TSGA10: variants seen among roughly 807,000 people sequenced by gnomAD.
The protein encoded by TSGA10 is testis specific 10, also known as testis-specific gene 10 protein.
A neutral mutation model predicts 96.6 loss-of-function variants in TSGA10; 43 were observed. That is an observed-to-expected ratio of 0.44 (90% confidence interval 0.35 to 0.57). The LOEUF (loss-of-function observed/expected upper bound fraction) is 0.57, where lower values mean the gene tolerates loss of function less well. Ranked by LOEUF, TSGA10 falls within the 20% of genes least tolerant of loss-of-function variation. The pLI is 0.01. For missense variants in TSGA10, 703 were observed against 834.4 expected (o/e 0.84, Z 1.94); for synonymous variants, 229 against 269.9 (o/e 0.85, Z 1.48).
At chr2:99,059,366 G>A (rs2084388034) in intron 16 of TSGA10, among the ~76,000 whole-genome samples, 1 of 151,930 alleles carries the variant, frequency 6.6e-6, no homozygotes, top group Non-Finnish European at 1.5e-5. Flanking sequence ...CAGGCATGGT[G>A]GCTCATGCCT....
intron 12 of TSGA10, among the ~76,000 whole-genome samples, chr2:99,075,207 G>T (rs1378055878): frequency 6.6e-6 from 1 of 152,050 alleles, no homozygotes; most frequent in Non-Finnish European, 1.5e-5. Flanking sequence ...TATGTTCTAA[G>T]ATGTATTCCT....
At chr2:99,102,108 CAAG>C in intron 10 of TSGA10, 1 of 1,464,178 alleles carries the variant, frequency 6.8e-7, no homozygotes, top group Non-Finnish European at 9.6e-7. Context: ...AATAAAGCGA[CAAG>C]AAGAGTTAGA....
chr2:99,009,746 CAT>C (rs1012039267), intron 20 of TSGA10, among the ~76,000 whole-genome samples: 2 of 151,926 alleles, frequency 1.3e-5, no homozygotes, highest in African/African-American at 4.8e-5. Context: ...GAAGAAAGAA[CAT>C]ATATATAAGT....
chr2:99,052,695 G>A (rs961396070), intron 16 of TSGA10, among the ~76,000 whole-genome samples: 27 of 151,370 alleles, frequency 1.8e-4, no homozygotes, highest in African/African-American at 6.1e-4. Context: ...CCAAGATCGC[G>A]CCACTGCACT....
At chr2:99,025,716 A>T (rs9808541) in intron 17 of TSGA10, among the ~76,000 whole-genome samples, 53,303 of 151,950 alleles carry the variant, frequency 0.35, 10,689 homozygotes, top group African/African-American at 0.55. Context: ...TTTAATATAG[A>T]TAGGCATTTA....
intron 16 of TSGA10, among the ~76,000 whole-genome samples, chr2:99,038,745 T>C (rs992208778): frequency 5.3e-5 from 8 of 151,978 alleles, no homozygotes; most frequent in Admixed American, 2.6e-4. Flanking sequence ...ACAGAAAGTT[T>C]AAAAAGAAAC....
chr2:99,057,149 T>TAA (rs2084100251), intron 16 of TSGA10, among the ~76,000 whole-genome samples: 1 of 152,018 alleles, frequency 6.6e-6, no homozygotes, highest in Non-Finnish European at 1.5e-5. Context: ...GCTTTCCCCC[T>TAA]AAAATCAGGA....
chr2:99,057,526 T>C (rs578006773), intron 16 of TSGA10, among the ~76,000 whole-genome samples: 1 of 152,226 alleles, frequency 6.6e-6, no homozygotes, highest in Admixed American at 6.5e-5. Context: ...ATAAAATACT[T>C]AAGAATAAAA....
At chr2:99,037,402 G>T (rs2081734703) in intron 16 of TSGA10, among the ~76,000 whole-genome samples, 2 of 151,870 alleles carry the variant, frequency 1.3e-5, no homozygotes, top group South Asian at 4.2e-4. Context: ...TAACACATAG[G>T]TCAAAGAAGA....
At chr2:99,049,867 A>G (rs566196765) in intron 16 of TSGA10, among the ~76,000 whole-genome samples, 9 of 151,774 alleles carry the variant, frequency 5.9e-5, no homozygotes, top group African/African-American at 2.2e-4. Context: ...ACAGATGGTA[A>G]TTCAAAACCA....
At position 99,109,023 on chromosome 2, in the gene TSGA10, T is replaced by C. The variant is rs756740510; in HGVS notation, c.52-32A>G. On this transcript the variant is annotated intron_variant, in intron 6 of 20. Transcript: ENST00000393483. ...TTATATAAGGAATTTGAAATCTTCT[T>C]TGATATATAGTACTGATAGAAAGGT... 7 of 1,481,624 alleles carry C rather than the reference T, an allele frequency of 4.7e-6. No individual in the cohort carries two copies. In the South Asian group the frequency reaches 7.1e-5, roughly 15 times the overall value. 91.8% of individuals were successfully genotyped at this position (1,481,624 alleles called of 1,614,324 possible).
chr2:99,026,507 C>A (rs963176849), intron 17 of TSGA10, among the ~76,000 whole-genome samples: 2 of 151,936 alleles, frequency 1.3e-5, no homozygotes. Flanking sequence ...GTAAGCTCTG[C>A]CTCCCAGGTT....
chr2:99,124,313 T>C (rs567010440), intron 2 of TSGA10, among the ~76,000 whole-genome samples: 5 of 152,226 alleles, frequency 3.3e-5, no homozygotes, highest in African/African-American at 1.2e-4. Context: ...TTGAATTAGA[T>C]TTTTCTGGGG....
At chr2:99,094,334 T>C (rs140859552) in intron 10 of TSGA10, among the ~76,000 whole-genome samples, 1,863 of 152,230 alleles carry the variant, frequency 0.012, 40 homozygotes, top group African/African-American at 0.043. Flanking sequence ...CTTCTAGACA[T>C]TGGCTTAGGC....
chr2:99,131,386 A>G (rs1432783380), intron 1 of TSGA10, among the ~76,000 whole-genome samples: 1 of 152,108 alleles, frequency 6.6e-6, no homozygotes, highest in Non-Finnish European at 1.5e-5. Context: ...TTTTGTAGCA[A>G]TTGTGAATGG....
chr2:99,010,074 C>T (rs1271154721), intron 20 of TSGA10, among the ~76,000 whole-genome samples: 2 of 151,856 alleles, frequency 1.3e-5, no homozygotes, highest in East Asian at 3.9e-4. Flanking sequence ...AAATATTTTC[C>T]TCTAAAAAAC....
chr2:99,019,967 T>C (rs1015964094), intron 18 of TSGA10, among the ~76,000 whole-genome samples: 11 of 152,184 alleles, frequency 7.2e-5, no homozygotes, highest in Non-Finnish European at 1.6e-4. Flanking sequence ...TTGGTCTAAA[T>C]ATGAAAATTC....
At chr2:99,113,001 C>T (rs751874456) in intron 4 of TSGA10, among the ~76,000 whole-genome samples, 4 of 151,242 alleles carry the variant, frequency 2.6e-5, no homozygotes, top group Non-Finnish European at 5.9e-5. Context: ...AGTAACATAG[C>T]CCCTAGGTCA....
intron 3 of TSGA10, among the ~76,000 whole-genome samples, chr2:99,118,288 T>C (rs1033751987): frequency 1.3e-5 from 2 of 151,498 alleles, no homozygotes; most frequent in Admixed American, 1.3e-4. Flanking sequence ...CCATCTCTAC[T>C]AAAAATACAA....
Sources: allele counts gnomAD v4.1 joint callset (sites outside exome capture counted in the v4.1 genomes callset), GRCh38; gene constraint gnomAD v4.1.1; transcripts MANE v1.5; gene names NCBI Gene and HGNC (gene_info 2026-07-23, HGNC 2026-07-21).